Variants in SLC2A5 observed in about 807,000 individuals in gnomAD.
SLC2A5 encodes solute carrier family 2 member 5.
SLC2A5 carries 56 observed loss-of-function variants against 50.3 expected under a neutral mutation model. The ratio of observed to expected loss-of-function variants is 1.11; its 90% CI spans 0.90 to 1.39. The LOEUF (loss-of-function observed/expected upper bound fraction) is 1.39. Ranked by LOEUF, SLC2A5 falls within the 40% of genes most tolerant of loss-of-function variation. The pLI is 0.00. For missense variants in SLC2A5, 566 were observed against 650.1 expected (o/e 0.87, Z 1.41); for synonymous variants, 269 against 281.9 (o/e 0.95, Z 0.46).
chr1:9,060,654 CACACACACACA>C (rs1641916008), intron 1 of SLC2A5, among the ~76,000 whole-genome samples: 1 of 117,396 alleles, frequency 8.5e-6, no homozygotes, highest in Admixed American at 9.9e-5. Flanking sequence ...ACACACCCCC[CACACACACACA>C]CCCCACACAC....
chr1:9,079,802 AAAAACATCATAACAT>A (rs1411428468), intron 2 of SLC2A5, among the ~76,000 whole-genome samples: 2 of 152,336 alleles, frequency 1.3e-5, no homozygotes, highest in African/African-American at 4.8e-5. Flanking sequence ...CCCTCTTTTT[AAAAACATCATAACAT>A]AAAACTTATC....
chr1:9,069,806 A>G (rs1642176062), upstream of SLC2A5: 1 of 483,794 alleles, frequency 2.1e-6, no homozygotes, highest in South Asian at 2.6e-5. Flanking sequence ...GGAACAGTCT[A>G]CGGTATTTCC....
chr1:9,044,151 A>T (rs1641381533), intron 4 of SLC2A5, among the ~76,000 whole-genome samples: 1 of 151,704 alleles, frequency 6.6e-6, no homozygotes, highest in Admixed American at 6.6e-5. Context: ...CAACATGGTG[A>T]AACCCCATCT....
In SLC2A5 at chr1:9,038,973, A is replaced by G. The variant is rs772972817; in HGVS notation, c.997-44T>C. Reference sequence around the variant, plus strand: ...GCTCAGGCGGGAGAGGCCCAGCTTCACCTCCCTCCAGCCCCCTCCAATGGG... The same window carrying G: ...GCTCAGGCGGGAGAGGCCCAGCTTCGCCTCCCTCCAGCCCCCTCCAATGGG... On this transcript the variant is annotated intron_variant, in intron 8 of 11. Transcript: ENST00000377424. 2.5e-6 allele frequency: 4 copies of G among 1,586,332 alleles called. No homozygotes were observed. The South Asian group carries it at 4.6e-5, about 18-fold the overall frequency.
At chr1:9,047,554 T>C in intron 4 of SLC2A5, 56 bp downstream of exon 4, 1 of 1,588,836 alleles carries the variant, frequency 6.3e-7, no homozygotes, top group South Asian at 1.1e-5. Context: ...TGGGAACCTG[T>C]TGTCCTCCTC....
chr1:9,049,109 C>A (rs1400195372), intron 3 of SLC2A5: 1 of 456,144 alleles, frequency 2.2e-6, no homozygotes. Flanking sequence ...CCCTGGAGAT[C>A]CTGACAGAAG....
In SLC2A5 at chr1:9,075,982, G is replaced by A. The variant is rs12217160; in HGVS notation, c.-58-6388C>T. Among the ~76,000 whole-genome samples, 18 of 140,554 alleles carry A rather than the reference G, an allele frequency of 1.3e-4. No individual in the cohort carries two copies. The East Asian group carries it at 4.0e-3, about 31-fold the overall frequency. 92.2% of individuals were successfully genotyped at this position (140,554 alleles called of 152,430 possible). On this transcript the variant is annotated intron_variant, in intron 2 of 5. Coordinates refer to the SLC2A5 transcript ENST00000464985. ...GGCATTTTTTTTTTTTTGAGACGGAGTCTCACAGTGTTGCCCAGGCTGGGG... is the reference window on the plus strand; with the variant it reads ...GGCATTTTTTTTTTTTTGAGACGGAATCTCACAGTGTTGCCCAGGCTGGGG...
At chr1:9,087,057 T>C (rs1642408040) in intron 1 of SLC2A5, among the ~76,000 whole-genome samples, 1 of 152,120 alleles carries the variant, frequency 6.6e-6, no homozygotes, top group African/African-American at 2.4e-5. Flanking sequence ...CTATGATAAG[T>C]CCCCTCTTTC....
intron 1 of SLC2A5, 90 bp downstream of exon 1, chr1:9,069,414 C>T: frequency 1.5e-6 from 2 of 1,367,250 alleles, no homozygotes; most frequent in South Asian, 1.2e-5. Context: ...TCTGCAACAC[C>T]AGGAGCCCCC....
intron 3 of SLC2A5, among the ~76,000 whole-genome samples, chr1:9,050,581 A>G (rs540475994): frequency 6.6e-6 from 1 of 152,306 alleles, no homozygotes; most frequent in African/African-American, 2.4e-5. Flanking sequence ...GTGGTCACAG[A>G]CCTAAATATA....
upstream of SLC2A5, among the ~76,000 whole-genome samples, chr1:9,088,773 A>G (rs113076909): frequency 0.025 from 3,795 of 151,946 alleles, 88 homozygotes; most frequent in South Asian, 0.064. Flanking sequence ...ATAGAGCAAG[A>G]CTCCGTCTCA....
intron 4 of SLC2A5, among the ~76,000 whole-genome samples, chr1:9,043,723 C>CT (rs201866196): frequency 0.017 from 2,477 of 142,060 alleles, 69 homozygotes; most frequent in African/African-American, 0.058. Flanking sequence ...AGCAAAGTGG[C>CT]TTTTTTTTTT....
chr1:9,065,459 A>C (rs1417563034), intron 1 of SLC2A5, among the ~76,000 whole-genome samples: 1 of 152,226 alleles, frequency 6.6e-6, no homozygotes, highest in African/African-American at 2.4e-5. Flanking sequence ...GTCAGAATGC[A>C]AACACCCCGG....
chr1:9,090,877 C>CTAAAGGAG (rs1642456401), upstream of SLC2A5, among the ~76,000 whole-genome samples: 1 of 152,178 alleles, frequency 6.6e-6, no homozygotes, highest in Non-Finnish European at 1.5e-5. Context: ...TCCTTTGCAG[C>CTAAAGGAG]CATTCCCTAA....
intron 1 of SLC2A5, among the ~76,000 whole-genome samples, chr1:9,064,274 A>G (rs1642026062): frequency 6.6e-6 from 1 of 152,100 alleles, no homozygotes; most frequent in Non-Finnish European, 1.5e-5. Context: ...AGGGAGAACA[A>G]AAAGAATTTG....
Position 9,040,164 on chromosome 1 carries a change from G to C in SLC2A5, c.597C>G (p.Thr199=), listed in dbSNP as rs760105615. 2.6e-6 allele frequency: 4 copies of C among 1,556,016 alleles called. No individual in the cohort carries two copies. The Admixed American group carries it at 5.8e-5, about 23-fold the overall frequency. The change falls in exon 6 of 12, where the codon ACC becomes ACG. Residue 199 remains threonine (T), a synonymous_variant. Transcript: ENST00000377424. This position sits in a 1 kb window ranked among gnomAD's most constrained non-coding sequence, Gnocchi z 4.3. ...GGAGCTGCAGCGCCGCGGGGACCCC[G>C]GTCAGCCCCAGCAGGATCGGCCAGC... is the stretch of plus-strand genomic sequence containing the variant. ...VDGWPILLGL[T]GVPAALQLLL... is the part of the protein sequence containing the mutation.
At chr1:9,044,326 A>G (rs936028727) in intron 4 of SLC2A5, among the ~76,000 whole-genome samples, 1 of 151,748 alleles carries the variant, frequency 6.6e-6, no homozygotes, top group Non-Finnish European at 1.5e-5. Flanking sequence ...GCAAGAGTCC[A>G]TCTCAAACAA....
chr1:9,085,306 A>G (rs532355540), intron 1 of SLC2A5: 5 of 152,436 alleles, frequency 3.3e-5, no homozygotes, highest in African/African-American at 1.2e-4. Context: ...TGAGACATCA[A>G]TCAAACACAT....
chr1:9,060,267 TCCCC>T (rs1641894661), intron 1 of SLC2A5, among the ~76,000 whole-genome samples: 6 of 42,140 alleles, frequency 1.4e-4, no homozygotes, highest in South Asian at 7.8e-4. Flanking sequence ...ACACACACAC[TCCCC>T]ACATGTACAC....
Sources: gnomAD v4.1 joint callset for allele counts (sites outside exome capture counted in the v4.1 genomes callset) on GRCh38, gnomAD v4.1.1 for gene constraint, Gnocchi (gnomAD v3.1) non-coding constraint, MANE v1.5 for transcripts, NCBI Gene and HGNC (gene_info 2026-07-23, HGNC 2026-07-21) for gene names.